Variants in DNPEP observed in about 807,000 individuals in gnomAD.
DNPEP encodes aspartyl aminopeptidase.
Under a neutral mutation model 59.1 loss-of-function variants are expected in DNPEP, and 46 were observed. The ratio of observed to expected loss-of-function variants is 0.78; its 90% CI spans 0.61 to 0.99. The LOEUF is 0.99. Among genes scored for constraint, DNPEP ranks in the 50% least tolerant of loss-of-function variants. DNPEP has a pLI of 0.00. For missense variants in DNPEP, 617 were observed against 649.9 expected, an observed-to-expected ratio of 0.95 and a Z score of 0.55; for synonymous variants, 229 against 242.2, an observed-to-expected ratio of 0.95 and a Z score of 0.50.
chr2:219,389,887 G>T (rs1469858804), upstream of DNPEP, among the ~76,000 whole-genome samples: 1 of 141,778 alleles, frequency 7.1e-6, no homozygotes, highest in African/African-American at 2.6e-5. Context: ...AGGACATGGA[G>T]AGAGCATTCT....
chr2:219,374,385 C>CAGAT, intron 14 of DNPEP, 43 bp from the exon 15 acceptor site: 1 of 1,575,844 alleles, frequency 6.3e-7, no homozygotes, highest in South Asian at 1.1e-5. Context: ...AGTGAGTGAC[C>CAGAT]AGATGGAGAT....
chr2:219,383,173 T>C lies in DNPEP; in HGVS notation c.894A>G (p.Thr298=), dbSNP rs1364357084. 1 of 1,614,118 alleles carries C rather than the reference T, an allele frequency of 6.2e-7. No individual in the cohort carries two copies. Among genetic ancestry groups the C allele is most frequent in the African/African-American group, 1.3e-5 (1 of 74,952 alleles). The change falls in exon 10 of 15, where the codon ACA becomes ACG. Residue 298 remains threonine, a synonymous_variant. Transcript: ENST00000273075. ...GTGTGACCATGCGCACGTGAGGCTCTGTGGCCAGGGAGCCAGGGCCTGCAC... is the reference window on the plus strand; with the variant it reads ...GTGTGACCATGCGCACGTGAGGCTCCGTGGCCAGGGAGCCAGGGCCTGCAC... The part of the protein sequence containing the change: ...DSCAGPGSLA[T]EPHVRMVTLY...
chr2:219,375,548 A>G (rs1293990359), intron 13 of DNPEP, among the ~76,000 whole-genome samples: 1 of 152,074 alleles, frequency 6.6e-6, no homozygotes, highest in Non-Finnish European at 1.5e-5. Context: ...TTTTTATTTA[A>G]AAATTTTTAT....
chr2:219,374,150 C>T lies in DNPEP; in HGVS notation c.*142G>A. On this transcript the variant is annotated 3_prime_UTR_variant, in exon 15 of 15. Coordinates refer to ENST00000273075, the MANE Select transcript of DNPEP (RefSeq NM_012100.4). ...TGGTTCCAAAGGTTCAAGCCAGGCT[C>T]AACTCCCACTCCTCTAGTCTCCAAA... 4.9e-6 allele frequency: 4 copies of T among 820,652 alleles called. No homozygotes were observed. In the South Asian group the frequency reaches 7.0e-5, roughly 14 times the overall value. 50.8% of individuals were successfully genotyped at this position (820,652 alleles called of 1,614,324 possible). A position where few individuals can be genotyped will look rare whatever the true frequency, so the allele number is the denominator to read the frequency against.
chr2:219,383,253 T>A (rs1953675092), intron 9 of DNPEP, 39 bp from the exon 10 acceptor site: 1 of 1,583,890 alleles, frequency 6.3e-7, no homozygotes, highest in African/African-American at 1.3e-5. Context: ...ATCTCCAACC[T>A]GCTTCTGCTG....
intron 1 of DNPEP, chr2:219,399,382 G>A: frequency 2.2e-6 from 1 of 455,896 alleles, no homozygotes; most frequent in Admixed American, 2.4e-5. Context: ...CTAAGGCAGT[G>A]TTTAGGGTGC....
intron 11 of DNPEP, 77 bp from the exon 12 acceptor site, chr2:219,381,661 C>T (rs981329741): frequency 1.4e-6 from 2 of 1,461,632 alleles, no homozygotes; most frequent in Non-Finnish European, 1.9e-6. Context: ...CCATGGCAGA[C>T]ATCACTAATA....
chr2:219,397,130 C>G (rs1315258156), intron 1 of DNPEP, among the ~76,000 whole-genome samples: 1 of 152,168 alleles, frequency 6.6e-6, no homozygotes, highest in African/African-American at 2.4e-5. Flanking sequence ...GATCCACACA[C>G]CGGGCTCACA....
intron 13 of DNPEP, among the ~76,000 whole-genome samples, chr2:219,377,378 T>C (rs1953418178): frequency 7.1e-6 from 1 of 141,778 alleles, no homozygotes; most frequent in Non-Finnish European, 1.5e-5. Context: ...ACAAGCTAAA[T>C]GACACCATGG....
chr2:219,387,169 G>C lies in DNPEP; in HGVS notation c.37-6C>G, dbSNP rs779531419. The C allele has an allele frequency of 3.9e-6, 6 of 1,553,690 alleles. No homozygotes were observed. In the African/African-American group the frequency reaches 8.2e-5, roughly 21 times the overall value. ...GCCTTACCGTTCATGGCCACCTAGG[G>C]GAGGGGGATGCTCAGACTTTTACAA... On this transcript the variant is annotated splice_polypyrimidine_tract_variant and splice_region_variant and intron_variant, in intron 1 of 14. Coordinates refer to ENST00000273075, the MANE Select transcript of DNPEP (RefSeq NM_012100.4).
chr2:219,399,788 G>C (rs1159048846), intron 1 of DNPEP: 40 of 1,210,338 alleles, frequency 3.3e-5, no homozygotes, highest in Non-Finnish European at 4.0e-5. Context: ...GCCTAAGCCA[G>C]TGCGTGGCTC....
intron 9 of DNPEP, 145 bp from the exon 10 acceptor site, chr2:219,383,359 T>C: frequency 3.0e-6 from 2 of 677,454 alleles, no homozygotes; most frequent in Non-Finnish European, 5.1e-6. Context: ...TGGCCATGAC[T>C]TTTATCAATT....
upstream of DNPEP, among the ~76,000 whole-genome samples, chr2:219,389,376 G>A (rs1953973930): frequency 1.4e-5 from 2 of 145,052 alleles, no homozygotes; most frequent in Admixed American, 1.4e-4. Flanking sequence ...GCAACCTGCC[G>A]TTTATATACC....
intron 7 of DNPEP, 31 bp downstream of exon 7, chr2:219,385,600 C>A (rs878437): frequency 0.97 from 1,562,133 of 1,612,018 alleles, 761,061 homozygotes; most frequent in Non-Finnish European, 0.99. Context: ...GGGACTCTGC[C>A]GCCCTCCCCA....
rs1451232719 is a variant in DNPEP at position 219,386,277 on chromosome 2, G to A, written c.459+9C>T. On this transcript the variant is annotated intron_variant, in intron 5 of 14. Transcript: ENST00000273075. ...AGGAGGCTCCGCCATCCCCAACCTC[G>A]GTTCCCACCTTGACAATGACGCGTC... 3.1e-6 allele frequency: 5 copies of A among 1,614,034 alleles called. No homozygotes were observed. Among genetic ancestry groups the A allele is most frequent in the Admixed American group, 1.7e-5 (1 of 60,004 alleles).
intron 1 of DNPEP, among the ~76,000 whole-genome samples, chr2:219,397,530 T>C (rs939256051): frequency 6.6e-6 from 1 of 152,050 alleles, no homozygotes; most frequent in Non-Finnish European, 1.5e-5. Context: ...GTGGAATAGG[T>C]TTGGGGAACA....
rs1174651238 is a variant in DNPEP at position 219,386,423 on chromosome 2, G to C, written c.334-12C>G. ...GACCGACGTTTCACCTGAGTGTAAAGATGGAGAAGTCAGAGAAGGCTTCAT... is the reference window on the plus strand; with the variant it reads ...GACCGACGTTTCACCTGAGTGTAAACATGGAGAAGTCAGAGAAGGCTTCAT... On this transcript the variant is annotated splice_polypyrimidine_tract_variant and intron_variant, in intron 4 of 14. Coordinates refer to ENST00000273075, the MANE Select transcript of DNPEP (RefSeq NM_012100.4). 6.2e-7 allele frequency: 1 copy of C among 1,614,206 alleles called. No individual in the cohort carries two copies.
At chr2:219,382,163 CT>C (rs759842049) in intron 10 of DNPEP, 24 bp from the exon 11 acceptor site, 9 of 1,599,482 alleles carry the variant, frequency 5.6e-6, no homozygotes, top group African/African-American at 1.3e-5. Context: ...AGTCCTGACT[CT>C]GGGAATCTGG....
intron 13 of DNPEP, 111 bp downstream of exon 13, chr2:219,381,224 C>T (rs1953582210): frequency 4.4e-6 from 4 of 903,422 alleles, no homozygotes; most frequent in Admixed American, 3.7e-5. Context: ...CTACTGGGAC[C>T]CCCCTCCACT....
Sources: gnomAD v4.1 joint callset for allele counts (sites outside exome capture counted in the v4.1 genomes callset) on GRCh38, gnomAD v4.1.1 for gene constraint, MANE v1.5 for transcripts, NCBI Gene and HGNC (gene_info 2026-07-23, HGNC 2026-07-21) for gene names.